The following SAMD4A variants were observed in gnomAD, a reference collection of about 807,000 sequenced individuals.
SAMD4A encodes the protein protein Smaug homolog 1.
Under a neutral mutation model 81.3 loss-of-function variants are expected in SAMD4A, and 33 were observed. The ratio of observed to expected loss-of-function variants is 0.41; its 90% CI spans 0.31 to 0.54. The LOEUF is 0.54. SAMD4A is among the 20% of genes least tolerant of loss of function. The probability of loss-of-function intolerance (pLI) is 0.37; values close to 1 mark genes in which losing one functional copy is unlikely to be tolerated. For missense variants in SAMD4A, 854 were observed against 951.1 expected (o/e 0.90, Z 1.34); for synonymous variants, 389 against 382.1 (o/e 1.02, Z -0.21).
intron 2 of SAMD4A, among the ~76,000 whole-genome samples, chr14:54,639,012 A>G (rs2035102695): frequency 6.6e-6 from 1 of 152,198 alleles, no homozygotes; most frequent in Non-Finnish European, 1.5e-5. Flanking sequence ...ACAGAAACTC[A>G]TTTGTCTCAC....
At chr14:54,690,850 C>T (rs1316193857) in intron 2 of SAMD4A, among the ~76,000 whole-genome samples, 1 of 152,218 alleles carries the variant, frequency 6.6e-6, no homozygotes, top group Non-Finnish European at 1.5e-5. Flanking sequence ...TCTTTCTCCT[C>T]ACTGAGCCAT....
chr14:54,730,966 C>T (rs1296077495), intron 3 of SAMD4A, among the ~76,000 whole-genome samples: 1 of 152,142 alleles, frequency 6.6e-6, no homozygotes, highest in African/African-American at 2.4e-5. Flanking sequence ...AAAATGTTGA[C>T]TTTTTTAAAG....
intron 2 of SAMD4A, among the ~76,000 whole-genome samples, chr14:54,614,927 A>G (rs2034454481): frequency 6.6e-6 from 1 of 152,190 alleles, no homozygotes; most frequent in Non-Finnish European, 1.5e-5. Context: ...GTTCAGCTCA[A>G]TCATCTCAAA....
chr14:54,620,845 G>T (rs2034597993), intron 2 of SAMD4A, among the ~76,000 whole-genome samples: 1 of 152,122 alleles, frequency 6.6e-6, no homozygotes, highest in African/African-American at 2.4e-5. Context: ...CTGTAAACTT[G>T]AACTCCTGGG....
At chr14:54,709,778 A>G (rs1298445923) in intron 3 of SAMD4A, among the ~76,000 whole-genome samples, 1 of 152,188 alleles carries the variant, frequency 6.6e-6, no homozygotes, top group East Asian at 1.9e-4. Flanking sequence ...TTCCAAATAT[A>G]GGCAGATAGA....
intron 2 of SAMD4A, among the ~76,000 whole-genome samples, chr14:54,600,004 C>T (rs575400581): frequency 6.6e-6 from 1 of 152,308 alleles, no homozygotes; most frequent in African/African-American, 2.4e-5. Context: ...GATCATTAAT[C>T]CTACTTTTAA....
chr14:54,632,321 A>G (rs576173913), intron 2 of SAMD4A, among the ~76,000 whole-genome samples: 1 of 152,296 alleles, frequency 6.6e-6, no homozygotes, highest in Admixed American at 6.5e-5. Flanking sequence ...TATTAATTTG[A>G]ATAGTCAGTA....
chr14:54,638,973 A>G (rs536133154), intron 2 of SAMD4A, among the ~76,000 whole-genome samples: 1 of 152,244 alleles, frequency 6.6e-6, no homozygotes, highest in East Asian at 1.9e-4. Flanking sequence ...TTGAAATCTG[A>G]CCAAGTTTAG....
intron 2 of SAMD4A, among the ~76,000 whole-genome samples, chr14:54,646,224 G>T (rs553357883): frequency 4.6e-5 from 7 of 152,340 alleles, no homozygotes; most frequent in Non-Finnish European, 1.0e-4. Context: ...TTGAGTTATA[G>T]TGAGGAAGGC....
intron 2 of SAMD4A, among the ~76,000 whole-genome samples, chr14:54,646,132 A>G (rs1189774777): frequency 2.0e-5 from 3 of 152,200 alleles, no homozygotes; most frequent in Non-Finnish European, 4.4e-5. Flanking sequence ...CTTTCTCCAC[A>G]TGGCCCAGGT....
chr14:54,589,563 C>G (rs146328236), intron 2 of SAMD4A, among the ~76,000 whole-genome samples: 67 of 152,186 alleles, frequency 4.4e-4, no homozygotes, highest in Non-Finnish European at 8.4e-4. Context: ...GCACGTATGT[C>G]TTTTGGGGAG....
intron 2 of SAMD4A, chr14:54,694,648 A>G (rs1432548301): frequency 1.6e-5 from 16 of 985,402 alleles, no homozygotes; most frequent in Non-Finnish European, 1.9e-5. Flanking sequence ...GAACCGAGGC[A>G]GGTGGCTGGG....
intron 2 of SAMD4A, chr14:54,689,772 G>A (rs1452890852): frequency 6.6e-6 from 1 of 152,242 alleles, no homozygotes; most frequent in African/African-American, 2.4e-5. Context: ...ACCTGTGTCT[G>A]TGACTGAGTA....
At chr14:54,612,725 G>T (rs752846867) in intron 2 of SAMD4A, among the ~76,000 whole-genome samples, 1 of 152,062 alleles carries the variant, frequency 6.6e-6, no homozygotes, top group South Asian at 2.1e-4. Flanking sequence ...ATCCATCTGC[G>T]TGCTAGGATT....
chr14:54,771,547 C>A (rs2038705776), intron 9 of SAMD4A, among the ~76,000 whole-genome samples: 1 of 152,206 alleles, frequency 6.6e-6, no homozygotes, highest in Non-Finnish European at 1.5e-5. Context: ...GGTTGCCAAC[C>A]CTTGTGGGTT....
chr14:54,716,891 A>C (rs1474268819), intron 3 of SAMD4A, among the ~76,000 whole-genome samples: 1 of 152,120 alleles, frequency 6.6e-6, no homozygotes, highest in Non-Finnish European at 1.5e-5. Flanking sequence ...TGGCAGCTAC[A>C]ATGCCCCTCT....
intron 3 of SAMD4A, among the ~76,000 whole-genome samples, chr14:54,704,887 C>T (rs965519964): frequency 6.6e-6 from 1 of 152,220 alleles, no homozygotes; most frequent in Non-Finnish European, 1.5e-5. Context: ...AACTCCAAGC[C>T]TTTGGGTCAC....
chr14:54,777,206 C>A (rs926056083), intron 11 of SAMD4A, among the ~76,000 whole-genome samples: 5 of 151,962 alleles, frequency 3.3e-5, no homozygotes, highest in African/African-American at 4.8e-5. Flanking sequence ...GACCCCCCCC[C>A]ACCCCCACTG....
chr14:54,686,921 T>TG (rs2036286666), intron 2 of SAMD4A, among the ~76,000 whole-genome samples: 1 of 152,224 alleles, frequency 6.6e-6, no homozygotes, highest in Non-Finnish European at 1.5e-5. Context: ...AGTTGCTCCC[T>TG]GCCCTGGCCC....
Sources: allele counts gnomAD v4.1 joint callset (sites outside exome capture counted in the v4.1 genomes callset), GRCh38; gene constraint gnomAD v4.1.1; transcripts MANE v1.5; gene names NCBI Gene and HGNC (gene_info 2026-07-23, HGNC 2026-07-21).